The following RCOR3 variants were observed in gnomAD, a reference collection of about 807,000 sequenced individuals.
RCOR3 encodes the protein REST corepressor 3.
RCOR3 carries 13 observed loss-of-function variants against 64.1 expected under a neutral mutation model. The observed-to-expected ratio is 0.20, with a 90% CI of 0.13 to 0.32. RCOR3 has a LOEUF of 0.32. RCOR3 is among the 10% of genes least tolerant of loss of function. The pLI, the probability that RCOR3 is intolerant of heterozygous loss-of-function variation, is 1.00. For missense variants in RCOR3, 489 were observed against 701.2 expected (o/e 0.70, Z 3.42); for synonymous variants, 215 against 239.0 (o/e 0.90, Z 0.93).
intron 10 of RCOR3, among the ~76,000 whole-genome samples, chr1:211,305,998 A>T (rs556741274): frequency 1.1e-4 from 16 of 152,266 alleles, no homozygotes; most frequent in African/African-American, 3.6e-4. Context: ...TGTTCGCAGG[A>T]TTTCAGAGGC....
intron 8 of RCOR3, among the ~76,000 whole-genome samples, chr1:211,295,016 T>C (rs2102603304): frequency 6.6e-6 from 1 of 150,664 alleles, no homozygotes; most frequent in Admixed American, 6.6e-5. Flanking sequence ...TAACTAGGAC[T>C]ACAGGTTCAT....
chr1:211,295,623 C>A, intron 8 of RCOR3, 53 bp from the exon 9 acceptor site: 1 of 1,482,298 alleles, frequency 6.7e-7, no homozygotes, highest in Non-Finnish European at 9.4e-7. Context: ...TGAGTACTCA[C>A]AAATTTACCT....
chr1:211,262,617 A>G (rs1326508109), intron 2 of RCOR3, among the ~76,000 whole-genome samples: 1 of 152,158 alleles, frequency 6.6e-6, no homozygotes, highest in Non-Finnish European at 1.5e-5. Context: ...ACAACTATAT[A>G]CAGTTCGATT....
At chr1:211,268,536 C>T (rs1263544370) in intron 2 of RCOR3, among the ~76,000 whole-genome samples, 1 of 151,794 alleles carries the variant, frequency 6.6e-6, no homozygotes, top group Non-Finnish European at 1.5e-5. Context: ...TGCGCCACCA[C>T]ACCCGGCTAA....
At chr1:211,288,862 A>G (rs1229345527) in intron 7 of RCOR3, among the ~76,000 whole-genome samples, 1 of 152,022 alleles carries the variant, frequency 6.6e-6, no homozygotes, top group Non-Finnish European at 1.5e-5. Context: ...CTGAGGGAAA[A>G]TATATCACAT....
At chr1:211,274,855 ATC>A (rs1041687042) in intron 4 of RCOR3, among the ~76,000 whole-genome samples, 5 of 151,868 alleles carry the variant, frequency 3.3e-5, no homozygotes, top group African/African-American at 1.2e-4. Context: ...TCAAGAAATT[ATC>A]TCAATATTTT....
At chr1:211,289,092 C>A in intron 7 of RCOR3, 86 bp from the exon 8 acceptor site, 3 of 986,400 alleles carry the variant, frequency 3.0e-6, no homozygotes, top group Non-Finnish European at 4.8e-6. Context: ...CTTATTGCAG[C>A]AGATACTTCT....
intron 7 of RCOR3, among the ~76,000 whole-genome samples, chr1:211,281,340 A>C (rs1357690961): frequency 6.6e-6 from 1 of 151,952 alleles, no homozygotes; most frequent in Non-Finnish European, 1.5e-5. Flanking sequence ...TGTCTCTCAA[A>C]AAACTGTGAG....
intron 8 of RCOR3, among the ~76,000 whole-genome samples, chr1:211,293,700 A>T (rs1323730081): frequency 6.6e-6 from 1 of 152,246 alleles, no homozygotes; most frequent in Non-Finnish European, 1.5e-5. Context: ...ATCCTCGAGA[A>T]TTCAGACTTT....
chr1:211,283,391 A>C (rs1698091846), intron 7 of RCOR3, among the ~76,000 whole-genome samples: 2 of 152,242 alleles, frequency 1.3e-5, no homozygotes, highest in African/African-American at 4.8e-5. Context: ...ACTCTATTTT[A>C]GGGAATAGCC....
chr1:211,262,258 G>A (rs535976486), intron 2 of RCOR3, among the ~76,000 whole-genome samples: 1 of 151,516 alleles, frequency 6.6e-6, no homozygotes, highest in South Asian at 2.1e-4. Flanking sequence ...GGCTGCTCTC[G>A]AACTCCTGAC....
intron 2 of RCOR3, among the ~76,000 whole-genome samples, chr1:211,269,749 C>T (rs1230765536): frequency 6.6e-6 from 1 of 151,648 alleles, no homozygotes; most frequent in Non-Finnish European, 1.5e-5. Flanking sequence ...CTATCTCAGG[C>T]CTTCATTCAT....
intron 7 of RCOR3, among the ~76,000 whole-genome samples, chr1:211,288,133 C>T (rs775845349): frequency 6.6e-6 from 1 of 151,316 alleles, no homozygotes; most frequent in Non-Finnish European, 1.5e-5. Context: ...TCATTTGAGC[C>T]CAGGAGGTCA....
At position 211,316,133 on chromosome 1, in the gene RCOR3, A is replaced by C. The variant is rs1701851661; in HGVS notation, c.*2365A>C. On this transcript the variant is annotated 3_prime_UTR_variant, in exon 12 of 12. Coordinates refer to ENST00000419091, the MANE Select transcript of RCOR3 (RefSeq NM_001136223.3). ...GCAAAACTAGAAATCTTTTAATGACAATTTTCATTAATTTCAGGGTTATCA... is the reference window on the plus strand; with the variant it reads ...GCAAAACTAGAAATCTTTTAATGACCATTTTCATTAATTTCAGGGTTATCA... 6.6e-6 allele frequency: 1 copy of C among 152,216 alleles called. No homozygotes were observed. The highest frequency in any genetic ancestry group is 2.4e-5 in the African/African-American group (1 of 41,462). 9.4% of individuals were successfully genotyped at this position (152,216 alleles called of 1,614,324 possible). A position where few individuals can be genotyped will look rare whatever the true frequency, so the allele number is the denominator to read the frequency against.
chr1:211,277,281 A>T (rs1390786357), intron 5 of RCOR3, among the ~76,000 whole-genome samples: 5 of 151,812 alleles, frequency 3.3e-5, no homozygotes. Flanking sequence ...TTTTAACCTG[A>T]GTAGATGAAA....
chr1:211,279,336 G>A lies in RCOR3; in HGVS notation c.720+20G>A, dbSNP rs3767377. 902,403 of 1,548,992 alleles carry A rather than the reference G, an allele frequency of 0.58. 269,838 individuals carry two copies. Among genetic ancestry groups the A allele is most frequent in the Non-Finnish European group, 0.61 (684,527 of 1,123,710 alleles). On this transcript the variant is annotated intron_variant, in intron 7 of 11. Coordinates refer to ENST00000419091, the MANE Select transcript of RCOR3 (RefSeq NM_001136223.3). ...AAAGAGGTAATGATGATCACTAGAA[G>A]TACTTGTGATTGTTCTACAAATCTG...
At chr1:211,271,335 A>G (rs749802641) in intron 3 of RCOR3, 26 bp downstream of exon 3, 5 of 1,582,478 alleles carry the variant, frequency 3.2e-6, no homozygotes, top group Non-Finnish European at 4.3e-6. Flanking sequence ...TTGAATGTTA[A>G]TGTCAGCAGG....
At position 211,260,149 on chromosome 1, in the gene RCOR3, C is replaced by A. The variant is rs368633666; in HGVS notation, c.208C>A (p.Pro70Thr). Residue 70 changes from proline to threonine, a missense_variant, in exon 2 of 12, where the codon CCT becomes ACT. Transcript: ENST00000419091. ...RVGAEYQARI[P>T]EFDPGATKYT... ...CGGAGCCGAATACCAAGCTCGGATC[C>A]CTGAATTTGATCCAGGTAGATATAT... 1.3e-5 allele frequency: 21 copies of A among 1,611,976 alleles called. No individual in the cohort carries two copies. Among genetic ancestry groups the A allele is most frequent in the Non-Finnish European group, 1.7e-5 (20 of 1,178,806 alleles).
intron 9 of RCOR3, among the ~76,000 whole-genome samples, chr1:211,297,804 T>G (rs1433480254): frequency 6.6e-6 from 1 of 152,166 alleles, no homozygotes; most frequent in Non-Finnish European, 1.5e-5. Flanking sequence ...AATAGATGTG[T>G]TTCAGATTAA....
Sources: gnomAD v4.1 joint callset for allele counts (sites outside exome capture counted in the v4.1 genomes callset) on GRCh38, gnomAD v4.1.1 for gene constraint, MANE v1.5 for transcripts, NCBI Gene and HGNC (gene_info 2026-07-23, HGNC 2026-07-21) for gene names.